The following PTPRO variants were observed in gnomAD, a reference collection of about 807,000 sequenced individuals.
The protein encoded by PTPRO is protein tyrosine phosphatase receptor type O.
PTPRO carries 62 observed loss-of-function variants against 145.2 expected under a neutral mutation model. The ratio of observed to expected loss-of-function variants is 0.43; its 90% CI spans 0.35 to 0.53. PTPRO has a LOEUF of 0.53. PTPRO is among the 20% of genes least tolerant of loss of function. PTPRO has a pLI of 0.01. For synonymous variants in PTPRO, 565 were observed against 514.7 expected (o/e 1.10, Z -1.32); for missense variants, 1,345 against 1,482.7 (o/e 0.91, Z 1.53).
At chr12:15,442,152 A>G (rs1413778082) in intron 1 of PTPRO, among the ~76,000 whole-genome samples, 1 of 152,216 alleles carries the variant, frequency 6.6e-6, no homozygotes, top group Non-Finnish European at 1.5e-5. Flanking sequence ...CTAATTCACC[A>G]TGATCAAGTA....
intron 1 of PTPRO, among the ~76,000 whole-genome samples, chr12:15,375,687 C>T (rs2136266858): frequency 7.0e-6 from 1 of 143,358 alleles, no homozygotes; most frequent in Non-Finnish European, 1.5e-5. Flanking sequence ...ACCTGGGAGG[C>T]AGAGGTTGCA....
intron 1 of PTPRO, among the ~76,000 whole-genome samples, chr12:15,468,041 CT>C: frequency 6.6e-6 from 1 of 152,294 alleles, no homozygotes; most frequent in East Asian, 1.9e-4. Flanking sequence ...GGGCTCTCAT[CT>C]TATACCCTTT....
At chr12:15,586,784 G>C (rs537691485) in intron 23 of PTPRO, 113 bp from the exon 24 acceptor site, 1 of 1,178,254 alleles carries the variant, frequency 8.5e-7, no homozygotes, top group South Asian at 1.3e-5. Flanking sequence ...AAAGTGTACT[G>C]ACCAGGAGTG....
chr12:15,527,727 C>G (rs1417512246), intron 12 of PTPRO, among the ~76,000 whole-genome samples: 3 of 152,182 alleles, frequency 2.0e-5, no homozygotes, highest in Non-Finnish European at 1.5e-5. Flanking sequence ...AGGCAGTGAT[C>G]TAGTGGTAAA....
chr12:15,374,446 G>A (rs138701216), intron 1 of PTPRO, among the ~76,000 whole-genome samples: 116 of 152,240 alleles, frequency 7.6e-4, no homozygotes, highest in African/African-American at 2.4e-3. Flanking sequence ...GAACAAGAAA[G>A]TTTATGGCTT....
At chr12:15,367,129 C>A (rs957803750) in intron 1 of PTPRO, among the ~76,000 whole-genome samples, 1 of 152,278 alleles carries the variant, frequency 6.6e-6, no homozygotes, top group Admixed American at 6.5e-5. Flanking sequence ...CTACTTTAGA[C>A]AAAGCAATGT....
chr12:15,337,558 G>T (rs987628475), intron 1 of PTPRO: 1 of 152,150 alleles, frequency 6.6e-6, no homozygotes, highest in African/African-American at 2.4e-5. Flanking sequence ...TCTGCTCTAA[G>T]ATGAACTAAC....
At chr12:15,557,750 T>G (rs1943673179) in intron 16 of PTPRO, among the ~76,000 whole-genome samples, 3 of 152,042 alleles carry the variant, frequency 2.0e-5, no homozygotes, top group Admixed American at 6.6e-5. Context: ...TTTACAATAC[T>G]AAACAAGGGA....
chr12:15,594,355 T>G (rs997601714), intron 25 of PTPRO, among the ~76,000 whole-genome samples: 1 of 152,028 alleles, frequency 6.6e-6, no homozygotes, highest in African/African-American at 2.4e-5. Context: ...TCCTTTTTTT[T>G]TCAAAATAGC....
intron 1 of PTPRO, among the ~76,000 whole-genome samples, chr12:15,405,968 T>A (rs1456963816): frequency 2.6e-5 from 4 of 152,194 alleles, no homozygotes; most frequent in Non-Finnish European, 5.9e-5. Flanking sequence ...TTTTGTGCTA[T>A]TGCTAAAGGA....
chr12:15,536,667 G>T (rs1283055466), intron 12 of PTPRO, among the ~76,000 whole-genome samples: 1 of 152,138 alleles, frequency 6.6e-6, no homozygotes, highest in Non-Finnish European at 1.5e-5. Context: ...GATTGTTCAG[G>T]GCAAGGATAA....
At chr12:15,382,046 T>A (rs1333893779) in intron 1 of PTPRO, among the ~76,000 whole-genome samples, 3 of 151,636 alleles carry the variant, frequency 2.0e-5, no homozygotes, top group Non-Finnish European at 2.9e-5. Flanking sequence ...GAGCCCAGAT[T>A]CTCTAGCAAA....
At chr12:15,368,728 T>G (rs1377103619) in intron 1 of PTPRO, among the ~76,000 whole-genome samples, 1 of 152,248 alleles carries the variant, frequency 6.6e-6, no homozygotes, top group East Asian at 1.9e-4. Context: ...TTGTTTCTTT[T>G]AAAATATATC....
At chr12:15,546,133 C>G (rs1943282674) in intron 12 of PTPRO, among the ~76,000 whole-genome samples, 1 of 152,126 alleles carries the variant, frequency 6.6e-6, no homozygotes. Flanking sequence ...GAAAGGAAGA[C>G]AGGTTGTTGG....
At chr12:15,583,840 A>T (rs1406647719) in intron 23 of PTPRO, among the ~76,000 whole-genome samples, 1 of 152,188 alleles carries the variant, frequency 6.6e-6, no homozygotes, top group Non-Finnish European at 1.5e-5. Flanking sequence ...CTTCTTAGCC[A>T]TTGTTAATTG....
intron 19 of PTPRO, among the ~76,000 whole-genome samples, chr12:15,572,756 T>TGA (rs767494561): frequency 0.65 from 99,517 of 152,088 alleles, 35,984 homozygotes; most frequent in South Asian, 0.8. Context: ...AGTTTCTTTA[T>TGA]GTATAAAATG....
chr12:15,550,980 C>A (rs1386820854), intron 14 of PTPRO, among the ~76,000 whole-genome samples: 1 of 152,148 alleles, frequency 6.6e-6, no homozygotes, highest in Non-Finnish European at 1.5e-5. Flanking sequence ...GGTTTTATCT[C>A]TTGAGCTGTG....
At chr12:15,537,408 G>A (rs1299791227) in intron 12 of PTPRO, among the ~76,000 whole-genome samples, 1 of 152,180 alleles carries the variant, frequency 6.6e-6, no homozygotes, top group Non-Finnish European at 1.5e-5. Flanking sequence ...GCATTGGCCA[G>A]GGAAGCAAGA....
chr12:15,443,994 CAAA>C (rs35520232), intron 1 of PTPRO, among the ~76,000 whole-genome samples: 1 of 144,836 alleles, frequency 6.9e-6, no homozygotes. Flanking sequence ...GAGTATATAT[CAAA>C]AAAAAAAAAA....
Sources: gnomAD v4.1 joint callset for allele counts (sites outside exome capture counted in the v4.1 genomes callset) on GRCh38, gnomAD v4.1.1 for gene constraint, MANE v1.5 for transcripts, NCBI Gene and HGNC (gene_info 2026-07-23, HGNC 2026-07-21) for gene names.